STARD13: variants seen among roughly 807,000 people sequenced by gnomAD.
STARD13 encodes StAR related lipid transfer domain containing 13.
A neutral mutation model predicts 106.4 loss-of-function variants in STARD13; 62 were observed. The observed-to-expected ratio is 0.58, with a 90% CI of 0.48 to 0.72. The LOEUF (loss-of-function observed/expected upper bound fraction) is 0.72, where lower values mean the gene tolerates loss of function less well. STARD13 is among the 30% of genes least tolerant of loss of function. The pLI, the probability that STARD13 is intolerant of heterozygous loss-of-function variation, is 0.00. For synonymous variants in STARD13, 565 were observed against 553.0 expected (o/e 1.02, Z -0.31); for missense variants, 1,387 against 1,424.0 (o/e 0.97, Z 0.42).
the STARD13 span, among the ~76,000 whole-genome samples, chr13:33,365,006 A>G: frequency 6.6e-6 from 1 of 152,248 alleles, no homozygotes; most frequent in Non-Finnish European, 1.5e-5. Context: ...GGGCTGGAGT[A>G]GGAACAGAAA....
chr13:33,621,826 C>A, the STARD13 span, among the ~76,000 whole-genome samples: 260 of 148,898 alleles, frequency 1.7e-3, no homozygotes, highest in African/African-American at 6.2e-3. Flanking sequence ...TTTTTTTGGA[C>A]GAAGTCTCGC....
intron 1 of STARD13, among the ~76,000 whole-genome samples, chr13:33,181,994 G>C (rs1885285136): frequency 6.6e-6 from 1 of 152,150 alleles, no homozygotes; most frequent in African/African-American, 2.4e-5. Flanking sequence ...TCATACCTGA[G>C]AATAACCAAT....
the STARD13 span, among the ~76,000 whole-genome samples, chr13:33,366,625 T>C: frequency 3.9e-5 from 6 of 152,204 alleles, no homozygotes; most frequent in Admixed American, 1.3e-4. The surrounding 1 kb of genome is among the most constrained non-coding windows in gnomAD (Gnocchi z 4.2). Flanking sequence ...ATTCCTGCCA[T>C]GTGATTCTGG....
At chr13:33,644,167 G>C in the STARD13 span, among the ~76,000 whole-genome samples, 1 of 152,342 alleles carries the variant, frequency 6.6e-6, no homozygotes, top group South Asian at 2.1e-4. Context: ...CGGGAGAATC[G>C]GAGAGGGTTG....
At chr13:33,141,835 A>G (rs1879868773) in intron 4 of STARD13, among the ~76,000 whole-genome samples, 2 of 152,218 alleles carry the variant, frequency 1.3e-5, no homozygotes, top group African/African-American at 4.8e-5. Flanking sequence ...CACTTCTGAA[A>G]GATCACCATA....
At chr13:33,496,860 ATCTT>A in the STARD13 span, among the ~76,000 whole-genome samples, 1 of 152,100 alleles carries the variant, frequency 6.6e-6, no homozygotes, top group African/African-American at 2.4e-5. Flanking sequence ...AGTTTTGAAA[ATCTT>A]TATATAGTTT....
chr13:33,383,216 C>T, the STARD13 span, among the ~76,000 whole-genome samples: 110 of 152,310 alleles, frequency 7.2e-4, no homozygotes, highest in African/African-American at 2.5e-3. Flanking sequence ...GAGTTTACCA[C>T]GGAATACTAC....
In STARD13 at chr13:33,126,232, G is replaced by A; in HGVS notation, c.1931C>T (p.Pro644Leu). 1 of 1,614,078 alleles carries A rather than the reference G, an allele frequency of 6.2e-7. No individual in the cohort carries two copies. Among genetic ancestry groups the A allele is most frequent in the Non-Finnish European group, 8.5e-7 (1 of 1,180,012 alleles). Residue 644 changes from proline to leucine, a missense_variant, in exon 7 of 14, where the codon CCA (proline) becomes CTA (leucine). Pro to Leu is a moderately conservative substitution (Grantham distance 98). Coordinates refer to ENST00000336934, the MANE Select transcript of STARD13 (RefSeq NM_178006.4). ...AACTTTCATCCTCTTCATGAACTTT[G>A]GAACTGACCTAGAATTTACAGAAAC... ...SNKHGWTWSV[P>L]KFMKRMKVPD...
At chr13:33,471,972 T>C in the STARD13 span, among the ~76,000 whole-genome samples, 1 of 152,142 alleles carries the variant, frequency 6.6e-6, no homozygotes, top group Non-Finnish European at 1.5e-5. Flanking sequence ...TGTGAATTCA[T>C]TTATTAATAT....
chr13:33,109,439 A>G (rs1034922528), intron 12 of STARD13, among the ~76,000 whole-genome samples: 1 of 152,210 alleles, frequency 6.6e-6, no homozygotes, highest in Non-Finnish European at 1.5e-5. Context: ...GAAGTTATAC[A>G]GATGAGTTCT....
the STARD13 span, among the ~76,000 whole-genome samples, chr13:33,503,896 C>G: frequency 6.6e-6 from 1 of 152,022 alleles, no homozygotes; most frequent in Non-Finnish European, 1.5e-5. Flanking sequence ...AGAACTTAAA[C>G]AAATTTACAA....
At chr13:33,529,139 G>GA in the STARD13 span, among the ~76,000 whole-genome samples, 1 of 151,980 alleles carries the variant, frequency 6.6e-6, no homozygotes, top group Non-Finnish European at 1.5e-5. Context: ...CTGATGGATT[G>GA]AATACTGCAA....
chr13:33,119,233 A>C (rs916766690), intron 7 of STARD13, among the ~76,000 whole-genome samples: 1 of 152,182 alleles, frequency 6.6e-6, no homozygotes, highest in African/African-American at 2.4e-5. Context: ...TAGTGAAATA[A>C]TATGTCTGCT....
At chr13:33,147,624 T>C (rs1012599835) in intron 3 of STARD13, among the ~76,000 whole-genome samples, 1 of 152,148 alleles carries the variant, frequency 6.6e-6, no homozygotes, top group Admixed American at 6.5e-5. Context: ...GAAGAGAAGA[T>C]CTGATTTCAA....
chr13:33,479,162 G>A, the STARD13 span, among the ~76,000 whole-genome samples: 2 of 152,174 alleles, frequency 1.3e-5, no homozygotes, highest in Non-Finnish European at 2.9e-5. Flanking sequence ...TAAGATAAAT[G>A]CGTATTAAAA....
chr13:33,116,717 T>A (rs182272351), intron 8 of STARD13, among the ~76,000 whole-genome samples: 215 of 152,364 alleles, frequency 1.4e-3, no homozygotes, highest in Non-Finnish European at 2.2e-3. Context: ...TAGTTCAACC[T>A]CTCACAGCAA....
At chr13:33,627,970 T>C in the STARD13 span, among the ~76,000 whole-genome samples, 9 of 138,816 alleles carry the variant, frequency 6.5e-5, no homozygotes, top group African/African-American at 2.5e-4. Context: ...TTTTTCTTTC[T>C]TTTTTTTTTT....
intron 1 of STARD13, among the ~76,000 whole-genome samples, chr13:33,314,369 T>C (rs866065386): frequency 3.9e-4 from 60 of 152,074 alleles, no homozygotes; most frequent in African/African-American, 1.1e-3. Context: ...TGGGCACCAA[T>C]AGTGATTTGG....
At chr13:33,604,831 G>A in the STARD13 span, among the ~76,000 whole-genome samples, 2 of 151,320 alleles carry the variant, frequency 1.3e-5, no homozygotes, top group Admixed American at 6.6e-5. Context: ...AAAAGAAAAT[G>A]TCTAAAAAGC....
Sources: allele counts gnomAD v4.1 joint callset (sites outside exome capture counted in the v4.1 genomes callset), GRCh38; gene constraint gnomAD v4.1.1; non-coding constraint Gnocchi (gnomAD v3.1); transcripts MANE v1.5; gene names NCBI Gene and HGNC (gene_info 2026-07-23, HGNC 2026-07-21).